AKAP13: variants seen among roughly 807,000 people sequenced by gnomAD.
AKAP13 encodes the protein A-kinase anchor protein 13.
AKAP13 carries 80 observed loss-of-function variants against 264.5 expected under a neutral mutation model. That is an observed-to-expected ratio of 0.30 (90% CI 0.25 to 0.36). The LOEUF (loss-of-function observed/expected upper bound fraction) is 0.36, where lower values mean the gene tolerates loss of function less well. Ranked by LOEUF, AKAP13 falls within the 10% of genes least tolerant of loss-of-function variation. The pLI, the probability that AKAP13 is intolerant of heterozygous loss-of-function variation, is 1.00. For synonymous variants in AKAP13, 1,380 were observed against 1,250.2 expected (o/e 1.10, Z -2.19); for missense variants, 3,712 against 3,435.2 (o/e 1.08, Z -2.01).
chr15:85,505,435 T>A (rs763642973), intron 2 of AKAP13, among the ~76,000 whole-genome samples: 3 of 152,128 alleles, frequency 2.0e-5, no homozygotes, highest in Non-Finnish European at 4.4e-5. Flanking sequence ...GAGAAAGGGG[T>A]ATGGTTTTGG....
intron 5 of AKAP13, chr15:85,544,271 A>G (rs1450497268): frequency 2.5e-5 from 11 of 441,882 alleles, no homozygotes; most frequent in Non-Finnish European, 3.9e-5. Context: ...TAACATTACC[A>G]ATGTATACAG....
chr15:85,650,788 A>AAACAAAAAAAAAC (rs2082792105), intron 10 of AKAP13, among the ~76,000 whole-genome samples: 3 of 125,078 alleles, frequency 2.4e-5, no homozygotes, highest in East Asian at 4.6e-4. Flanking sequence ...AAAAAAAAAA[A>AAACAAAAAAAAAC]AACAACAAAA....
intron 8 of AKAP13, among the ~76,000 whole-genome samples, chr15:85,591,703 C>T (rs76363883): frequency 0.011 from 1,749 of 152,192 alleles, 10 homozygotes; most frequent in Non-Finnish European, 0.019. Context: ...GTACTGCAAA[C>T]CAATATCGTA....
At chr15:85,519,545 C>T (rs1325359695) in intron 2 of AKAP13, among the ~76,000 whole-genome samples, 1 of 152,192 alleles carries the variant, frequency 6.6e-6, no homozygotes, top group Non-Finnish European at 1.5e-5. Flanking sequence ...TAACTGGTTG[C>T]ATCATGCCAA....
chr15:85,452,459 C>T (rs908725935), intron 1 of AKAP13, among the ~76,000 whole-genome samples: 5 of 152,146 alleles, frequency 3.3e-5, no homozygotes, highest in Non-Finnish European at 5.9e-5. Context: ...ATTTGAGTTA[C>T]TAGAGTTCTT....
chr15:85,504,195 T>C (rs1263350381), intron 2 of AKAP13, among the ~76,000 whole-genome samples: 1 of 152,040 alleles, frequency 6.6e-6, no homozygotes, highest in Non-Finnish European at 1.5e-5. Flanking sequence ...AGAAGTCAGA[T>C]CTTCAGATTT....
intron 1 of AKAP13, among the ~76,000 whole-genome samples, chr15:85,429,559 G>A (rs1385986048): frequency 5.9e-5 from 9 of 152,300 alleles, no homozygotes; most frequent in Admixed American, 3.9e-4. Flanking sequence ...TTTAGGATTC[G>A]GTTTGGGAGT....
Position 85,579,642 on chromosome 15 carries a change from G to A in AKAP13, c.1574G>A (p.Ser525Asn), listed in dbSNP as rs115022585. 12 of 1,614,222 alleles carry A rather than the reference G, an allele frequency of 7.4e-6. No individual in the cohort carries two copies. In the East Asian group the frequency reaches 2.0e-4, roughly 27 times the overall value. Reference sequence around the variant, plus strand: ...GGAGCCTCTGACGTGCACGTCACAAGTAAGCCTGTGGATAAAATCAGTGTT... The same window carrying A: ...GGAGCCTCTGACGTGCACGTCACAAATAAGCCTGTGGATAAAATCAGTGTT... ...TAGASDVHVT[S>N]KPVDKISVPN... Residue 525 changes from serine (S) to asparagine (N), a missense_variant, in exon 7 of 37, where the codon AGT (serine) becomes AAT (asparagine). By Grantham distance (46) the Ser-to-Asn change is conservative. Transcript: ENST00000394518.
intron 5 of AKAP13, among the ~76,000 whole-genome samples, chr15:85,561,051 ATTTTTTTTT>A (rs11311086): frequency 2.7e-5 from 3 of 109,496 alleles, no homozygotes; most frequent in Non-Finnish European, 5.4e-5. Flanking sequence ...GGATGTAAGG[ATTTTTTTTT>A]TTTTTTTTTT....
At chr15:85,649,523 G>C (rs1372687889) in intron 10 of AKAP13, among the ~76,000 whole-genome samples, 1 of 152,194 alleles carries the variant, frequency 6.6e-6, no homozygotes, top group African/African-American at 2.4e-5. Flanking sequence ...GCGAGACATT[G>C]CAACATCTTT....
At chr15:85,694,639 C>T (rs921269577) in intron 17 of AKAP13, among the ~76,000 whole-genome samples, 10 of 152,208 alleles carry the variant, frequency 6.6e-5, no homozygotes, top group African/African-American at 2.4e-4. Context: ...TGCTGTAAGG[C>T]AGTGCATCTC....
chr15:85,451,099 A>G (rs1473330550), intron 1 of AKAP13, among the ~76,000 whole-genome samples: 2 of 152,120 alleles, frequency 1.3e-5, no homozygotes, highest in Admixed American at 1.3e-4. Flanking sequence ...ACCCTTTACC[A>G]TTATCCCATG....
chr15:85,736,559 G>A (rs949854457), intron 33 of AKAP13, among the ~76,000 whole-genome samples: 11 of 151,978 alleles, frequency 7.2e-5, no homozygotes, highest in African/African-American at 2.7e-4. Flanking sequence ...CACCATGCCC[G>A]GCTAACTTTT....
Position 85,394,949 on chromosome 15 carries a change from T to G in AKAP13, c.-12+14151T>G, listed in dbSNP as rs190529678. Among the ~76,000 whole-genome samples the G allele has an allele frequency of 3.7e-3, 566 of 152,338 alleles. 5 individuals carry two copies. The highest frequency in any genetic ancestry group is 0.013 in the African/African-American group (535 of 41,572). On this transcript the variant is annotated intron_variant, in intron 1 of 36. Coordinates refer to ENST00000394518, the MANE Select transcript of AKAP13 (RefSeq NM_007200.5). ...TCTACTTTGCTTGGAGTAACTAATT[T>G]TCTTACTATTCTTGTCAACCTCATT...
In AKAP13 at chr15:85,663,651, CA is replaced by C. The variant is rs2083458979; in HGVS notation, c.4800-911del. Among the ~76,000 whole-genome samples, 3 of 152,294 alleles carry C rather than the reference CA, an allele frequency of 2.0e-5. No individual in the cohort carries two copies. In the South Asian group the frequency reaches 6.2e-4, roughly 32 times the overall value. On this transcript the variant is annotated intron_variant, in intron 12 of 36. Coordinates refer to ENST00000394518, the MANE Select transcript of AKAP13 (RefSeq NM_007200.5). ...TGTTAGCGGAGAACATGGTCAGCTA[CA>C]GCTATGTTTCGAGATCTTGGTTATT...
chr15:85,592,760 C>G (rs992208846), intron 8 of AKAP13, among the ~76,000 whole-genome samples: 9 of 152,134 alleles, frequency 5.9e-5, no homozygotes, highest in Admixed American at 2.0e-4. Flanking sequence ...TCAGCGGCTC[C>G]TAATACAAAT....
intron 16 of AKAP13, among the ~76,000 whole-genome samples, chr15:85,692,559 G>A (rs1023772152): frequency 1.3e-5 from 2 of 152,066 alleles, no homozygotes; most frequent in African/African-American, 4.8e-5. Flanking sequence ...AATCTGAACC[G>A]AGGTCTGGTA....
In AKAP13 at chr15:85,580,761, G is replaced by A. The variant is rs1226804963; in HGVS notation, c.2693G>A (p.Gly898Asp). The change falls in exon 7 of 37, where the codon GGT becomes GAT. Residue 898 changes from glycine to aspartate, a missense_variant. Around this residue, in one of 3 missense-constraint regions of AKAP13, gnomAD observed 2,759 missense variants for 2,411.7 expected, o/e 1.14. Transcript: ENST00000394518. Reference protein sequence around the residue: ...GNTDSSLQSVGKATLALDSVL... With the variant: ...GNTDSSLQSVDKATLALDSVL... ...ACTGACTCTTCCCTGCAAAGTGTGG[G>A]TAAGGCCACTTTGGCTTTAGATTCA... 1.9e-6 allele frequency: 3 copies of A among 1,614,020 alleles called. No homozygotes were observed. The highest frequency in any genetic ancestry group is 1.7e-6 in the Non-Finnish European group (2 of 1,180,028).
chr15:85,415,438 A>G, intron 1 of AKAP13: 1 of 1,606,006 alleles, frequency 6.2e-7, no homozygotes, highest in South Asian at 1.1e-5. Context: ...ACCCTGGGAG[A>G]GAAGTTTGAA....
Sources: gnomAD v4.1 joint callset for allele counts (sites outside exome capture counted in the v4.1 genomes callset) on GRCh38, gnomAD v4.1.1 for gene constraint, gnomAD v4.1.1 regional missense constraint, MANE v1.5 for transcripts, NCBI Gene and HGNC (gene_info 2026-07-23, HGNC 2026-07-21) for gene names.